The following N4BP2 variants were observed in gnomAD, a reference collection of about 807,000 sequenced individuals.
The protein encoded by N4BP2 is NEDD4-binding protein 2.
N4BP2 carries 91 observed loss-of-function variants against 152.8 expected under a neutral mutation model. That is an observed-to-expected ratio of 0.60 (90% CI 0.50 to 0.71). The LOEUF (loss-of-function observed/expected upper bound fraction) is 0.71. Among genes scored for constraint, N4BP2 ranks in the 30% least tolerant of loss-of-function variants. The pLI, the probability that N4BP2 is intolerant of heterozygous loss-of-function variation, is 0.00. For missense variants in N4BP2, 1,923 were observed against 2,059.1 expected (o/e 0.93, Z 1.28); for synonymous variants, 646 against 705.3 (o/e 0.92, Z 1.33).
rs1165044315 is a variant in N4BP2, at chr4:40,121,090, A to G, written c.2979A>G (p.Gln993=). The stretch of plus-strand genomic sequence containing the variant: ...CTGTTTCTGGAGTAGTAGAACCACA[A>G]ACGTTAGCTGAATGTCAAGAGCAAA... ...APTVSGVVEP[Q]TLAECQEQMP... Residue 993 remains glutamine (Q), a synonymous_variant, in exon 9 of 18, where the codon CAA becomes CAG. Transcript: ENST00000261435. 11 of 1,614,108 alleles carry G rather than the reference A, an allele frequency of 6.8e-6. No individual in the cohort carries two copies. The highest frequency in any genetic ancestry group is 8.5e-6 in the Non-Finnish European group (10 of 1,180,012).
Position 40,137,037 on chromosome 4 carries a change from T to C in N4BP2, c.4740T>C (p.Asn1580=). 1 of 1,613,932 alleles carries C rather than the reference T, an allele frequency of 6.2e-7. No homozygotes were observed. The highest frequency in any genetic ancestry group is 8.5e-7 in the Non-Finnish European group (1 of 1,179,892). ...TVVAQEFVHQ[N]ENVTSHTGQK... ...TAGCCCAAGAGTTTGTTCACCAAAA[T>C]GAGAATGTCACATCTCATACTGGCC... Residue 1580 remains asparagine, a synonymous_variant, in exon 14 of 18, where the codon AAT becomes AAC. Coordinates refer to ENST00000261435, the MANE Select transcript of N4BP2 (RefSeq NM_018177.6).
chr4:40,152,754 A>T (rs1476042587), intron 16 of N4BP2, 26 bp from the exon 17 acceptor site: 1 of 1,611,646 alleles, frequency 6.2e-7, no homozygotes, highest in African/African-American at 1.3e-5. Context: ...AATGAATTTT[A>T]ACTCCCCTGA....
intron 5 of N4BP2, among the ~76,000 whole-genome samples, chr4:40,110,961 A>G (rs1311026285): frequency 6.6e-6 from 1 of 152,206 alleles, no homozygotes; most frequent in East Asian, 1.9e-4. Context: ...TACATCATTA[A>G]TTTCCTGTAT....
chr4:40,122,762 A>G (rs1487283815), intron 9 of N4BP2, among the ~76,000 whole-genome samples: 1 of 152,220 alleles, frequency 6.6e-6, no homozygotes, highest in African/African-American at 2.4e-5. Context: ...AATTGTACGG[A>G]TGAACCTTTT....
chr4:40,067,511 T>G (rs1342554139), intron 1 of N4BP2, among the ~76,000 whole-genome samples: 1 of 152,110 alleles, frequency 6.6e-6, no homozygotes, highest in Non-Finnish European at 1.5e-5. Context: ...AAGTATCTCT[T>G]GGAGATCCTG....
intron 1 of N4BP2, among the ~76,000 whole-genome samples, chr4:40,058,404 A>G (rs1000412712): frequency 1.3e-5 from 2 of 152,162 alleles, no homozygotes; most frequent in African/African-American, 2.4e-5. Context: ...ACCTTTTATT[A>G]TTTAAGTGCC....
At chr4:40,123,285 C>T in intron 10 of N4BP2, 73 bp downstream of exon 10, 1 of 1,013,374 alleles carries the variant, frequency 9.9e-7, no homozygotes, top group South Asian at 1.4e-5. Context: ...TGAAATCTAC[C>T]ACATAATATT....
chr4:40,180,593 C>G, the N4BP2 span, among the ~76,000 whole-genome samples: 1 of 152,174 alleles, frequency 6.6e-6, no homozygotes, highest in Non-Finnish European at 1.5e-5. Context: ...CATTCATGTA[C>G]AATCAATTCA....
rs189392595 is a variant in N4BP2 at position 40,083,386 on chromosome 4, G to A, written c.-115+9835G>A. On this transcript the variant is annotated intron_variant, in intron 2 of 17. Coordinates refer to ENST00000261435, the MANE Select transcript of N4BP2 (RefSeq NM_018177.6). The stretch of plus-strand genomic sequence containing the variant: ...GTCCACAGCAAACTCTTATACAAAT[G>A]TTCATAGCAACATTATTCACCATAG... Among the ~76,000 whole-genome samples, 236 of 152,260 alleles carry A rather than the reference G, an allele frequency of 1.5e-3. 1 individual carries two copies. Among genetic ancestry groups the A allele is most frequent in the South Asian group, 6.6e-3 (32 of 4,824 alleles).
intron 1 of N4BP2, among the ~76,000 whole-genome samples, chr4:40,065,193 G>A (rs1415949670): frequency 6.6e-6 from 1 of 152,190 alleles, no homozygotes; most frequent in Non-Finnish European, 1.5e-5. Flanking sequence ...GCCAAAGGTA[G>A]ATAAGGGATC....
intron 7 of N4BP2, among the ~76,000 whole-genome samples, chr4:40,116,756 A>G (rs1372824924): frequency 6.6e-6 from 1 of 152,124 alleles, no homozygotes; most frequent in African/African-American, 2.4e-5. Flanking sequence ...TCTTTATAGT[A>G]AGGGTCTGCT....
rs778588966 is a variant in N4BP2 at position 40,157,273 on chromosome 4, A to G, written c.*3036A>G. 2 of 151,766 alleles carry G rather than the reference A, an allele frequency of 1.3e-5. No homozygotes were observed. The highest frequency in any genetic ancestry group is 6.6e-5 in the Admixed American group (1 of 15,250). The allele number at this position is 151,766 out of a possible 1,614,324, so 9.4% of individuals were successfully genotyped here. A position where few individuals can be genotyped will look rare whatever the true frequency, so the allele number is the denominator to read the frequency against. ...TTATTTTTAATGTGCAGTTTCTTCA[A>G]TTGGTTAGTATTTCCATACTATTTG... On this transcript the variant is annotated 3_prime_UTR_variant, in exon 18 of 18. Transcript: ENST00000261435.
At chr4:40,069,225 G>A (rs1334581871) in intron 1 of N4BP2, among the ~76,000 whole-genome samples, 1 of 152,030 alleles carries the variant, frequency 6.6e-6, no homozygotes, top group Non-Finnish European at 1.5e-5. Context: ...ATCACTTGAG[G>A]TCAGGAGTTC....
intron 6 of N4BP2, among the ~76,000 whole-genome samples, chr4:40,112,512 A>T (rs1716982559): frequency 6.6e-6 from 1 of 152,086 alleles, no homozygotes; most frequent in African/African-American, 2.4e-5. Context: ...TACTTGGCAG[A>T]ATCAAAATTT....
the N4BP2 span, among the ~76,000 whole-genome samples, chr4:40,183,418 C>A: frequency 6.6e-6 from 1 of 151,376 alleles, no homozygotes; most frequent in Non-Finnish European, 1.5e-5. Context: ...TCACTGCAAG[C>A]TCCGCCTCCC....
At chr4:40,181,589 A>T in the N4BP2 span, among the ~76,000 whole-genome samples, 1 of 152,196 alleles carries the variant, frequency 6.6e-6, no homozygotes, top group South Asian at 2.1e-4. Context: ...TCCGAGCTCA[A>T]CTCGCGGCTT....
At chr4:40,069,501 T>C (rs1711936730) in intron 1 of N4BP2, among the ~76,000 whole-genome samples, 1 of 152,200 alleles carries the variant, frequency 6.6e-6, no homozygotes, top group South Asian at 2.1e-4. Flanking sequence ...CTTCTCGACA[T>C]GTAAGGACAG....
chr4:40,126,752 C>T (rs1706029), intron 12 of N4BP2, among the ~76,000 whole-genome samples: 2 of 151,920 alleles, frequency 1.3e-5, no homozygotes, highest in African/African-American at 2.4e-5. Flanking sequence ...ACTACCATGC[C>T]TGGGTATTTT....
At chr4:40,096,071 G>A (rs1294978743) in intron 2 of N4BP2, among the ~76,000 whole-genome samples, 1 of 152,106 alleles carries the variant, frequency 6.6e-6, no homozygotes, top group Admixed American at 6.6e-5. Flanking sequence ...TTTTGGATAT[G>A]TTAAGTTTGA....
Sources: allele counts gnomAD v4.1 joint callset (sites outside exome capture counted in the v4.1 genomes callset), GRCh38; gene constraint gnomAD v4.1.1; transcripts MANE v1.5; gene names NCBI Gene and HGNC (gene_info 2026-07-23, HGNC 2026-07-21).